Variants in ARHGAP15 observed in about 807,000 individuals in gnomAD.
ARHGAP15 encodes rho GTPase-activating protein 15.
ARHGAP15 carries 51 observed loss-of-function variants against 63.7 expected under a neutral mutation model. That is an observed-to-expected ratio of 0.80 (90% CI 0.64 to 1.01). ARHGAP15 has a LOEUF of 1.01. ARHGAP15 is among the 50% of genes least tolerant of loss of function. The pLI, the probability that ARHGAP15 is intolerant of heterozygous loss-of-function variation, is 0.00. For missense variants in ARHGAP15, 560 were observed against 564.6 expected, an observed-to-expected ratio of 0.99 and a Z score of 0.08; for synonymous variants, 191 against 193.8, an observed-to-expected ratio of 0.99 and a Z score of 0.12.
intron 8 of ARHGAP15, among the ~76,000 whole-genome samples, chr2:143,477,482 T>C (rs1165824454): frequency 1.3e-5 from 2 of 152,160 alleles, no homozygotes; most frequent in African/African-American, 4.8e-5. Flanking sequence ...ATATGTATTA[T>C]ACATTAGACA....
chr2:143,737,730 ATTTATTT>A (rs1559153624), intron 13 of ARHGAP15, among the ~76,000 whole-genome samples: 2 of 17,572 alleles, frequency 1.1e-4, no homozygotes, highest in African/African-American at 9.1e-4. Flanking sequence ...TATTTATTTT[ATTTATTT>A]ATTTATTTAT....
At chr2:143,512,074 A>C (rs1375622169) in intron 9 of ARHGAP15, among the ~76,000 whole-genome samples, 1 of 152,240 alleles carries the variant, frequency 6.6e-6, no homozygotes, top group Admixed American at 6.5e-5. Context: ...TGAAGAGTCC[A>C]AGGGACAGGG....
intron 8 of ARHGAP15, among the ~76,000 whole-genome samples, chr2:143,452,734 G>C (rs553400104): frequency 2.0e-5 from 3 of 151,100 alleles, no homozygotes; most frequent in Non-Finnish European, 1.5e-5. Context: ...AGAGTAGGAG[G>C]GAAAGCCAAC....
intron 6 of ARHGAP15, among the ~76,000 whole-genome samples, chr2:143,264,566 A>G (rs1417677851): frequency 6.6e-6 from 1 of 151,870 alleles, no homozygotes; most frequent in Non-Finnish European, 1.5e-5. Context: ...AAATACTCCT[A>G]TTGTCCAATC....
Position 143,145,241 on chromosome 2 carries a change from T to C in ARHGAP15, c.-14-10236T>C, listed in dbSNP as rs946601084. On this transcript the variant is annotated intron_variant, in intron 1 of 13. Transcript: ENST00000295095. ...GGGGTTTTGTGGATTCAACAATAAA[T>C]TATAATGAGTGATCTCATCTTTTGG... Among the ~76,000 whole-genome samples the C allele has an allele frequency of 5.3e-5, 8 of 152,180 alleles. No homozygotes were observed. In the South Asian group the frequency reaches 1.7e-3, roughly 31 times the overall value.
rs1239149068 is a variant in ARHGAP15, at chr2:143,673,750, G to GTA, written c.1139-29668_1139-29667insAT. 3.8e-3 allele frequency among the ~76,000 whole-genome samples: 130 copies of GTA among 34,630 alleles called. 2 individuals are homozygous for GTA. The highest frequency in any genetic ancestry group is 0.067 in the Middle Eastern group (2 of 30). 22.7% of individuals were successfully genotyped at this position (34,630 alleles called of 152,430 possible). A position where few individuals can be genotyped will look rare whatever the true frequency, so the allele number is the denominator to read the frequency against. ...TGTGTGTGTGTGTGTGTGTGTGTGT[G>GTA]TGTGTGTGTATATATATATATATAT... On this transcript the variant is annotated intron_variant, in intron 12 of 13. Transcript: ENST00000295095.
intron 13 of ARHGAP15, among the ~76,000 whole-genome samples, chr2:143,742,613 C>T (rs763792645): frequency 1.3e-5 from 2 of 152,172 alleles, no homozygotes; most frequent in East Asian, 1.9e-4. Flanking sequence ...GTTTACAAAA[C>T]GATTCCAATC....
chr2:143,430,291 C>A (rs947618532), intron 6 of ARHGAP15, among the ~76,000 whole-genome samples: 13 of 151,582 alleles, frequency 8.6e-5, no homozygotes, highest in African/African-American at 2.9e-4. Context: ...TTTGGAAAGG[C>A]AAATTGAAGA....
At chr2:143,329,233 G>A (rs931554281) in intron 6 of ARHGAP15, among the ~76,000 whole-genome samples, 2 of 152,194 alleles carry the variant, frequency 1.3e-5, no homozygotes, top group African/African-American at 4.8e-5. Flanking sequence ...TATGGCAATG[G>A]TGAATGAATT....
At chr2:143,130,797 T>C (rs1688887895) in intron 1 of ARHGAP15, among the ~76,000 whole-genome samples, 1 of 152,174 alleles carries the variant, frequency 6.6e-6, no homozygotes, top group South Asian at 2.1e-4. Context: ...TTTGATATTG[T>C]GATTAGATTT....
rs370971503 is a variant in ARHGAP15, at chr2:143,365,223, T to C, written c.475-70378T>C. Among the ~76,000 whole-genome samples, 168 of 152,340 alleles carry C rather than the reference T, an allele frequency of 1.1e-3. 1 individual carries two copies. Among genetic ancestry groups the C allele is most frequent in the African/African-American group, 4.0e-3 (165 of 41,586 alleles). On this transcript the variant is annotated intron_variant, in intron 6 of 13. Coordinates refer to ENST00000295095, the MANE Select transcript of ARHGAP15 (RefSeq NM_018460.4). ...CCTATCTCCTATACTTTGTCTTATC[T>C]TGTGCCTTTTTCTGTTTTCATCTTT...
At chr2:143,695,290 A>T (rs1683793353) in intron 12 of ARHGAP15, among the ~76,000 whole-genome samples, 2 of 152,184 alleles carry the variant, frequency 1.3e-5, no homozygotes, top group Admixed American at 6.5e-5. Flanking sequence ...CCTAAGGATG[A>T]ATTAGTATCT....
At chr2:143,503,085 C>T (rs1008490979) in intron 9 of ARHGAP15, among the ~76,000 whole-genome samples, 2 of 152,210 alleles carry the variant, frequency 1.3e-5, no homozygotes, top group East Asian at 1.9e-4. Flanking sequence ...AAGCGTTAGC[C>T]TTTTGGCTCA....
intron 4 of ARHGAP15, among the ~76,000 whole-genome samples, chr2:143,219,694 G>C (rs1360016436): frequency 6.6e-6 from 1 of 152,202 alleles, no homozygotes; most frequent in African/African-American, 2.4e-5. Context: ...GTGCAATACA[G>C]AAGGGATTCT....
At chr2:143,361,938 A>T (rs1686073208) in intron 6 of ARHGAP15, among the ~76,000 whole-genome samples, 1 of 152,150 alleles carries the variant, frequency 6.6e-6, no homozygotes, top group African/African-American at 2.4e-5. Flanking sequence ...TAACTTTCAA[A>T]GTTCTCCGTG....
intron 12 of ARHGAP15, among the ~76,000 whole-genome samples, chr2:143,672,787 T>TAA (rs1179282908): frequency 6.6e-6 from 1 of 152,168 alleles, no homozygotes; most frequent in Non-Finnish European, 1.5e-5. Context: ...GTAAAGCACA[T>TAA]AATTTAGAGT....
intron 6 of ARHGAP15, among the ~76,000 whole-genome samples, chr2:143,389,125 ATTATTATTAT>A (rs1687429769): frequency 2.7e-5 from 4 of 148,656 alleles, no homozygotes; most frequent in African/African-American, 9.8e-5. Flanking sequence ...TATTATTATT[ATTATTATTAT>A]TTTTTATTAT....
At chr2:143,353,009 TTGAAA>T (rs1685639785) in intron 6 of ARHGAP15, among the ~76,000 whole-genome samples, 1 of 152,194 alleles carries the variant, frequency 6.6e-6, no homozygotes, top group African/African-American at 2.4e-5. Flanking sequence ...TCTCCTACTG[TTGAAA>T]TGACATATAA....
At chr2:143,679,078 G>A (rs1682966553) in intron 12 of ARHGAP15, among the ~76,000 whole-genome samples, 1 of 151,870 alleles carries the variant, frequency 6.6e-6, no homozygotes, top group Non-Finnish European at 1.5e-5. Context: ...TAGTTGATTA[G>A]AAAAGTCAAT....
Sources: gnomAD v4.1 joint callset for allele counts (sites outside exome capture counted in the v4.1 genomes callset) on GRCh38, gnomAD v4.1.1 for gene constraint, MANE v1.5 for transcripts, NCBI Gene and HGNC (gene_info 2026-07-23, HGNC 2026-07-21) for gene names.